Variants in RAPGEF6 observed in about 807,000 individuals in gnomAD.
RAPGEF6 encodes Rap guanine nucleotide exchange factor 6, also known as PDZ domain containing guanine nucleotide exchange factor (GEF) 2.
RAPGEF6 carries 56 observed loss-of-function variants against 171.4 expected under a neutral mutation model. The observed-to-expected ratio is 0.33, with a 90% CI of 0.26 to 0.41. The LOEUF is 0.41. Among genes scored for constraint, RAPGEF6 ranks in the 10% least tolerant of loss-of-function variants. The pLI is 1.00. For synonymous variants in RAPGEF6, 692 were observed against 650.1 expected (o/e 1.06, Z -0.98); for missense variants, 1,674 against 1,921.4 (o/e 0.87, Z 2.41).
At chr5:131,512,074 G>C (rs1476411101) in intron 7 of RAPGEF6, among the ~76,000 whole-genome samples, 1 of 152,162 alleles carries the variant, frequency 6.6e-6, no homozygotes, top group Non-Finnish European at 1.5e-5. Context: ...AAAGGGAATG[G>C]GGAGGAGGAC....
At chr5:131,461,367 A>G (rs1753921123) in intron 19 of RAPGEF6, among the ~76,000 whole-genome samples, 1 of 149,450 alleles carries the variant, frequency 6.7e-6, no homozygotes, top group African/African-American at 2.5e-5. Context: ...AAAAAAGCAC[A>G]GTACAGAAGT....
At chr5:131,507,554 C>T (rs923307250) in intron 9 of RAPGEF6, among the ~76,000 whole-genome samples, 1 of 152,138 alleles carries the variant, frequency 6.6e-6, no homozygotes, top group Non-Finnish European at 1.5e-5. Flanking sequence ...CACCCATCCA[C>T]AAGCTGTCAT....
chr5:131,575,201 A>G (rs1762536106), intron 4 of RAPGEF6, among the ~76,000 whole-genome samples: 1 of 152,034 alleles, frequency 6.6e-6, no homozygotes, highest in Non-Finnish European at 1.5e-5. Flanking sequence ...ACAGCCACCA[A>G]TCTCAGCAAC....
In RAPGEF6 at chr5:131,503,099, G is replaced by A. The variant is rs1004701544; in HGVS notation, c.1254+1527C>T. On this transcript the variant is annotated intron_variant, in intron 11 of 27. Transcript: ENST00000509018. The stretch of plus-strand genomic sequence containing the variant: ...ATTACAGGCATGAGCCACCATGCCC[G>A]GCCCTGAATGGTTTTATTTTAGCAA... 1.4e-4 allele frequency among the ~76,000 whole-genome samples: 22 copies of A among 152,118 alleles called. No individual in the cohort carries two copies. The East Asian group carries it at 1.5e-3, about 11-fold the overall frequency.
intron 5 of RAPGEF6, among the ~76,000 whole-genome samples, chr5:131,560,089 C>A (rs556655983): frequency 1.3e-5 from 2 of 152,150 alleles, no homozygotes; most frequent in East Asian, 3.9e-4. Context: ...TAAAATTATA[C>A]CAATCATCAA....
At chr5:131,507,293 G>A (rs1328595189) in intron 9 of RAPGEF6, among the ~76,000 whole-genome samples, 2 of 151,344 alleles carry the variant, frequency 1.3e-5, no homozygotes, top group African/African-American at 4.8e-5. Flanking sequence ...AACTCTTTGA[G>A]TTCTACACGT....
rs576835765 is a variant in RAPGEF6 at position 131,431,073 on chromosome 5, G to A, written c.4251C>T (p.Cys1417=). 8.7e-6 allele frequency: 14 copies of A among 1,614,174 alleles called. 1 individual carries two copies. The South Asian group carries it at 1.2e-4, about 14-fold the overall frequency. The part of the protein sequence containing the change: ...DSEPYSCSKS[C]SRTCGQCKGS... ...CTTTACACTGCCCACAAGTTCTAGA[G>A]CAGCTTTTAGAACAGGAATAGGGCT... is the stretch of plus-strand genomic sequence containing the variant. Residue 1417 remains cysteine (C), a synonymous_variant, in exon 26 of 28, where the codon TGC becomes TGT. Transcript: ENST00000509018.
chr5:131,605,084 C>G (rs901743831), intron 1 of RAPGEF6, among the ~76,000 whole-genome samples: 2 of 152,188 alleles, frequency 1.3e-5, no homozygotes, highest in African/African-American at 4.8e-5. Context: ...CAATATTCCT[C>G]TTAAAATATG....
chr5:131,540,661 G>A (rs1260794707), intron 6 of RAPGEF6, among the ~76,000 whole-genome samples: 2 of 152,176 alleles, frequency 1.3e-5, no homozygotes, highest in East Asian at 3.8e-4. Context: ...CACCAACAAA[G>A]TTTTTTAAAC....
chr5:131,505,060 C>CA (rs2149888962), intron 10 of RAPGEF6, among the ~76,000 whole-genome samples: 1 of 150,640 alleles, frequency 6.6e-6, no homozygotes, highest in South Asian at 2.1e-4. Context: ...AAGTTAGAAA[C>CA]AAACAACTCA....
At position 131,498,790 on chromosome 5, in the gene RAPGEF6, C is replaced by G. The variant is rs550517150; in HGVS notation, c.1255-183G>C. On this transcript the variant is annotated intron_variant, in intron 11 of 27. Coordinates refer to ENST00000509018, the MANE Select transcript of RAPGEF6 (RefSeq NM_016340.6). ...AACTTAATTGTAATCCACCAGCACC[C>G]AGAGGTTGAGAGACAGAAAAGGCAG... is the stretch of plus-strand genomic sequence containing the variant. 3.1e-4 allele frequency among the ~76,000 whole-genome samples: 47 copies of G among 152,292 alleles called. 1 individual carries two copies. The South Asian group carries it at 9.1e-3, about 30-fold the overall frequency.
intron 1 of RAPGEF6, among the ~76,000 whole-genome samples, chr5:131,625,270 A>G (rs1161442440): frequency 6.6e-6 from 1 of 152,130 alleles, no homozygotes; most frequent in Non-Finnish European, 1.5e-5. Flanking sequence ...CTCAAAAAAC[A>G]AACAAACAAA....
At chr5:131,469,735 TA>T in intron 17 of RAPGEF6, 1 of 1,262,178 alleles carries the variant, frequency 7.9e-7, no homozygotes, top group Non-Finnish European at 1.1e-6. Flanking sequence ...ATTGGACTTT[TA>T]AAAAATAACA....
intron 5 of RAPGEF6, among the ~76,000 whole-genome samples, chr5:131,554,518 T>G (rs1233850305): frequency 6.6e-6 from 1 of 152,190 alleles, no homozygotes; most frequent in Non-Finnish European, 1.5e-5. Context: ...CAGGTGTTTT[T>G]AAATAGGTTT....
rs147079581 is a variant in RAPGEF6, at chr5:131,482,660, T to C, written c.1841-2907A>G. On this transcript the variant is annotated intron_variant, in intron 15 of 27. Coordinates refer to ENST00000509018, the MANE Select transcript of RAPGEF6 (RefSeq NM_016340.6). ...TTCAAAAAATGTCAACCTGTAAATATAGGTCAGGCACTTCACTTGATGTTT... is the reference window on the plus strand; with the variant it reads ...TTCAAAAAATGTCAACCTGTAAATACAGGTCAGGCACTTCACTTGATGTTT... Among the ~76,000 whole-genome samples, 557 of 152,320 alleles carry C rather than the reference T, an allele frequency of 3.7e-3. 3 individuals are homozygous for C. Among genetic ancestry groups the C allele is most frequent in the African/African-American group, 0.012 (519 of 41,570 alleles).
intron 4 of RAPGEF6, among the ~76,000 whole-genome samples, chr5:131,587,861 G>A (rs551602214): frequency 6.6e-6 from 1 of 152,264 alleles, no homozygotes; most frequent in Admixed American, 6.5e-5. Flanking sequence ...TACCTGGAAG[G>A]AAGGAATGCT....
chr5:131,496,281 T>C (rs1402536753), intron 12 of RAPGEF6, among the ~76,000 whole-genome samples: 16 of 152,206 alleles, frequency 1.1e-4, no homozygotes, highest in Non-Finnish European at 2.4e-4. Flanking sequence ...TTCAGAAAAG[T>C]TAAAAATTAA....
intron 3 of RAPGEF6, among the ~76,000 whole-genome samples, 174 bp downstream of exon 3, chr5:131,603,097 T>A (rs1764349696): frequency 1.3e-5 from 2 of 152,188 alleles, no homozygotes; most frequent in South Asian, 4.1e-4. Flanking sequence ...TTTATTAAAA[T>A]TCATTGCTTT....
At chr5:131,592,057 C>T (rs1247618248) in intron 4 of RAPGEF6, among the ~76,000 whole-genome samples, 1 of 152,114 alleles carries the variant, frequency 6.6e-6, no homozygotes, top group Non-Finnish European at 1.5e-5. Context: ...GGTTTCTCCA[C>T]ATTGGTCAGA....
Sources: gnomAD v4.1 joint callset for allele counts (sites outside exome capture counted in the v4.1 genomes callset) on GRCh38, gnomAD v4.1.1 for gene constraint, MANE v1.5 for transcripts, NCBI Gene and HGNC (gene_info 2026-07-23, HGNC 2026-07-21) for gene names.